The following ILDR2 variants were observed in gnomAD, a reference collection of about 807,000 sequenced individuals.
ILDR2 encodes immunoglobulin-like domain-containing receptor 2.
A neutral mutation model predicts 66.8 loss-of-function variants in ILDR2; 25 were observed. The ratio of observed to expected loss-of-function variants is 0.37; its 90% CI spans 0.27 to 0.52. The LOEUF is 0.52. Ranked by LOEUF, ILDR2 falls within the 20% of genes least tolerant of loss-of-function variation. The pLI, the probability that ILDR2 is intolerant of heterozygous loss-of-function variation, is 0.88. For missense variants in ILDR2, 827 were observed against 876.8 expected (o/e 0.94, Z 0.72); for synonymous variants, 367 against 357.2 (o/e 1.03, Z -0.31).
At chr1:166,959,781 A>G (rs1010982725) in intron 1 of ILDR2, among the ~76,000 whole-genome samples, 3 of 152,230 alleles carry the variant, frequency 2.0e-5, no homozygotes, top group Non-Finnish European at 2.9e-5. Flanking sequence ...TGGGAGAGTC[A>G]AGAGTTTCTA....
intron 6 of ILDR2, 95 bp downstream of exon 6, chr1:166,935,206 A>G: frequency 1.6e-6 from 2 of 1,241,646 alleles, no homozygotes; most frequent in Non-Finnish European, 2.3e-6. Flanking sequence ...ACTATTTTCC[A>G]AAGACACATC....
rs1659487249 is a variant in ILDR2, at chr1:166,912,139, C to A, written c.*7216G>T. On this transcript the variant is annotated 3_prime_UTR_variant, in exon 10 of 10. Coordinates refer to ENST00000271417, the MANE Select transcript of ILDR2 (RefSeq NM_199351.3). Reference sequence around the variant, plus strand: ...CTTTAGAACAGTCAGAGAGACCAGACAGATTAGGAAGGATAATTAAACTGG... The same window carrying A: ...CTTTAGAACAGTCAGAGAGACCAGAAAGATTAGGAAGGATAATTAAACTGG... The A allele has an allele frequency of 6.6e-6, 1 of 152,086 alleles. No homozygotes were observed. The highest frequency in any genetic ancestry group is 2.4e-5 in the African/African-American group (1 of 41,446). 9.4% of individuals were successfully genotyped at this position (152,086 alleles called of 1,614,324 possible).
chr1:166,947,108 C>T (rs1661659796), intron 3 of ILDR2, among the ~76,000 whole-genome samples: 1 of 152,138 alleles, frequency 6.6e-6, no homozygotes, highest in African/African-American at 2.4e-5. Context: ...CGAATAAATA[C>T]AAAATATTAT....
chr1:166,904,306 T>G (rs994370772), downstream of ILDR2, among the ~76,000 whole-genome samples: 2 of 152,186 alleles, frequency 1.3e-5, no homozygotes, highest in Admixed American at 6.5e-5. Context: ...TCTATAGATC[T>G]CTCTTGGGTG....
intron 2 of ILDR2, among the ~76,000 whole-genome samples, chr1:166,901,201 C>T (rs760545790): frequency 1.3e-5 from 2 of 152,204 alleles, no homozygotes; most frequent in Non-Finnish European, 2.9e-5. Context: ...TCAAATGCTC[C>T]ACATTCCCCG....
chr1:166,896,102 C>T (rs1659162495), intron 2 of ILDR2: 1 of 152,232 alleles, frequency 6.6e-6, no homozygotes, highest in African/African-American at 2.4e-5. Context: ...CTGCTGTTTT[C>T]TGAAATGCCA....
chr1:166,949,265 A>G (rs1260122019), intron 3 of ILDR2, among the ~76,000 whole-genome samples: 2 of 152,282 alleles, frequency 1.3e-5, no homozygotes, highest in Non-Finnish European at 2.9e-5. Context: ...ATTGCCAAAT[A>G]TCTCCTGGAA....
intron 1 of ILDR2, among the ~76,000 whole-genome samples, chr1:166,965,233 T>A (rs1662862918): frequency 6.6e-6 from 1 of 152,192 alleles, no homozygotes; most frequent in South Asian, 2.1e-4. Flanking sequence ...GATTTCAGAT[T>A]TTTTTGGATT....
chr1:166,955,482 C>G (rs1038798545), intron 3 of ILDR2, among the ~76,000 whole-genome samples: 1 of 152,044 alleles, frequency 6.6e-6, no homozygotes, highest in East Asian at 1.9e-4. Flanking sequence ...TGGTGGTACA[C>G]GCCTGTAGTC....
intron 2 of ILDR2, among the ~76,000 whole-genome samples, chr1:166,898,843 G>A (rs1659214167): frequency 1.3e-5 from 2 of 151,480 alleles, no homozygotes; most frequent in South Asian, 4.2e-4. Flanking sequence ...TAGATTGCTT[G>A]AAGCCAGGAG....
chr1:166,928,615 G>A (rs147474073), intron 6 of ILDR2, among the ~76,000 whole-genome samples: 26 of 152,328 alleles, frequency 1.7e-4, no homozygotes, highest in Non-Finnish European at 3.1e-4. Flanking sequence ...AAACCCTGCT[G>A]TATAGTGTCT....
chr1:166,909,781 T>TATATATATAAATATATATAAATATATA lies in ILDR2; in HGVS notation c.*9573_*9574insTATATATTTATATATATTTATATATAT, dbSNP rs1557921377. On this transcript the variant is annotated 3_prime_UTR_variant, in exon 10 of 10. Coordinates refer to ENST00000271417, the MANE Select transcript of ILDR2 (RefSeq NM_199351.3). Reference sequence around the variant, plus strand: ...TATAAATATATATAAATATATATATTTATATATATATATATATATATATAT... The same window carrying TATATATATAAATATATATAAATATATA: ...TATAAATATATATAAATATATATATTATATATATAAATATATATAAATATATATATATATATATATATATATATATAT... 2 of 64,246 alleles carry TATATATATAAATATATATAAATATATA rather than the reference T, an allele frequency of 3.1e-5. No homozygotes were observed. The highest frequency in any genetic ancestry group is 1.6e-4 in the Admixed American group (1 of 6,336). The allele number at this position is 64,246 out of a possible 1,614,324, so 4.0% of individuals were successfully genotyped here.
At chr1:166,945,815 T>C (rs1449477796) in intron 3 of ILDR2, among the ~76,000 whole-genome samples, 1 of 152,260 alleles carries the variant, frequency 6.6e-6, no homozygotes, top group Non-Finnish European at 1.5e-5. Flanking sequence ...TTTAAACTTA[T>C]TAAGTTGGAG....
intron 3 of ILDR2, among the ~76,000 whole-genome samples, chr1:166,947,024 A>C (rs1245192499): frequency 6.6e-6 from 1 of 152,254 alleles, no homozygotes; most frequent in African/African-American, 2.4e-5. Flanking sequence ...ACAAACTAAT[A>C]AACAACAAAA....
chr1:166,900,762 G>A (rs1041014379), intron 2 of ILDR2, among the ~76,000 whole-genome samples: 2 of 152,200 alleles, frequency 1.3e-5, no homozygotes, highest in African/African-American at 4.8e-5. Flanking sequence ...TTAATTACCT[G>A]CAGTTGATGA....
At chr1:166,972,713 G>A (rs1473664733) in intron 1 of ILDR2, among the ~76,000 whole-genome samples, 3 of 152,076 alleles carry the variant, frequency 2.0e-5, no homozygotes, top group Non-Finnish European at 4.4e-5. Flanking sequence ...GAGGAGAAGG[G>A]AGAGGAGGAG....
At chr1:166,905,222 T>A (rs1327851590), downstream of ILDR2, among the ~76,000 whole-genome samples, 1 of 152,242 alleles carries the variant, frequency 6.6e-6, no homozygotes, top group Non-Finnish European at 1.5e-5. Flanking sequence ...ATTCTGGCCA[T>A]GATCTCTTTC....
At chr1:166,957,660 G>T in intron 2 of ILDR2, 109 bp downstream of exon 2, 1 of 904,098 alleles carries the variant, frequency 1.1e-6, no homozygotes, top group Non-Finnish European at 1.7e-6. Flanking sequence ...AAAGTCTTGA[G>T]GGTCTGAAAG....
rs1424817956 is a variant in ILDR2, at chr1:166,909,777, A to ATT, written c.*9577_*9578insAA. The ATT allele has an allele frequency of 4.2e-5, 2 of 47,236 alleles. No individual in the cohort carries two copies. The highest frequency in any genetic ancestry group is 1.6e-4 in the African/African-American group (2 of 12,168). 2.9% of individuals were successfully genotyped at this position (47,236 alleles called of 1,614,324 possible). A position where few individuals can be genotyped will look rare whatever the true frequency, so the allele number is the denominator to read the frequency against. On this transcript the variant is annotated 3_prime_UTR_variant, in exon 10 of 10. Transcript: ENST00000271417. ...TATATATAAATATATATAAATATAT[A>ATT]TATTTATATATATATATATATATAT... is the stretch of plus-strand genomic sequence containing the variant.
Sources: allele counts gnomAD v4.1 joint callset (sites outside exome capture counted in the v4.1 genomes callset), GRCh38; gene constraint gnomAD v4.1.1; transcripts MANE v1.5; gene names NCBI Gene and HGNC (gene_info 2026-07-23, HGNC 2026-07-21).